The following RIOX2 variants were observed in gnomAD, a reference collection of about 807,000 sequenced individuals.
The protein encoded by RIOX2 is 60S ribosomal protein L27a histidine hydroxylase.
In RIOX2, 43 loss-of-function variants were observed where a neutral mutation model predicts 51.2. The ratio of observed to expected loss-of-function variants is 0.84; its 90% CI spans 0.66 to 1.08. RIOX2 has a LOEUF of 1.08. Among genes scored for constraint, RIOX2 ranks in the 50% least tolerant of loss-of-function variants. The pLI is 0.00. For synonymous variants in RIOX2, 226 were observed against 218.5 expected, an observed-to-expected ratio of 1.03 and a Z score of -0.30; for missense variants, 566 against 561.7, an observed-to-expected ratio of 1.01 and a Z score of -0.08.
chr3:97,956,424 AC>A (rs888441302), intron 4 of RIOX2, among the ~76,000 whole-genome samples: 1 of 152,220 alleles, frequency 6.6e-6, no homozygotes, highest in Non-Finnish European at 1.5e-5. Context: ...GTTGTTTTAA[AC>A]CATTGAGTTT....
At position 97,972,381 on chromosome 3, in the gene RIOX2, C is replaced by A. The variant is rs1291042551; in HGVS notation, c.-40G>T. The stretch of plus-strand genomic sequence containing the variant: ...ATGCCCACGAGAGCGCCCCACTCAC[C>A]CGGCACGGCCTGTTGCTCGCGGCCG... On this transcript the variant is annotated splice_region_variant and 5_prime_UTR_variant, in exon 1 of 10. Transcript: ENST00000394198. The A allele has an allele frequency of 6.6e-6, 1 of 151,662 alleles. No homozygotes were observed. The highest frequency in any genetic ancestry group is 1.5e-5 in the Non-Finnish European group (1 of 67,862). The allele number at this position is 151,662 out of a possible 1,614,324, so 9.4% of individuals were successfully genotyped here.
At chr3:97,945,553 T>C in intron 9 of RIOX2, 1 of 606,502 alleles carries the variant, frequency 1.6e-6, no homozygotes, top group African/African-American at 1.9e-5. Flanking sequence ...TAATTTGAAA[T>C]GTTTTACATT....
chr3:97,954,378 G>A lies in RIOX2; in HGVS notation c.785+14C>T. On this transcript the variant is annotated intron_variant, in intron 5 of 9. Transcript: ENST00000394198. ...GAGCTGTCCTAGCATGTGCAGCTGGGAGGCAGTGTTTACTTGTTCTGGTAG... is the reference window on the plus strand; with the variant it reads ...GAGCTGTCCTAGCATGTGCAGCTGGAAGGCAGTGTTTACTTGTTCTGGTAG... 1 of 1,583,616 alleles carries A rather than the reference G, an allele frequency of 6.3e-7. No individual in the cohort carries two copies. The highest frequency in any genetic ancestry group is 1.7e-5 in the Admixed American group (1 of 59,954).
intron 4 of RIOX2, among the ~76,000 whole-genome samples, chr3:97,956,206 T>C (rs1161372497): frequency 1.3e-5 from 2 of 152,194 alleles, no homozygotes; most frequent in African/African-American, 4.8e-5. Flanking sequence ...ATGGGACAAC[T>C]GTCACATATA....
intron 3 of RIOX2, among the ~76,000 whole-genome samples, chr3:97,959,604 C>T (rs894371074): frequency 2.0e-5 from 3 of 152,162 alleles, no homozygotes; most frequent in Admixed American, 6.5e-5. Context: ...TGAGCCACCA[C>T]GCCTGGCCTA....
In RIOX2 at chr3:97,943,533, A is replaced by G. The variant is rs935949320; in HGVS notation, c.*1651T>C. The G allele has an allele frequency of 2.0e-6, 1 of 492,350 alleles. No individual in the cohort carries two copies. Among genetic ancestry groups the G allele is most frequent in the East Asian group, 3.9e-5 (1 of 25,524 alleles). 30.5% of individuals were successfully genotyped at this position (492,350 alleles called of 1,614,324 possible). A position where few individuals can be genotyped will look rare whatever the true frequency, so the allele number is the denominator to read the frequency against. On this transcript the variant is annotated 3_prime_UTR_variant, in exon 10 of 10. Transcript: ENST00000394198. ...GTGTTCCTATAAAGAAAATATTATG[A>G]TATCTTGGAAAGGTTCTATTCCTGA...
In RIOX2 at chr3:97,943,163, A is replaced by G; in HGVS notation, c.*2021T>C. The G allele has an allele frequency of 4.5e-6, 4 of 894,502 alleles. No homozygotes were observed. The highest frequency in any genetic ancestry group is 7.2e-6 in the Non-Finnish European group (4 of 556,634). 55.4% of individuals were successfully genotyped at this position (894,502 alleles called of 1,614,324 possible). A position where few individuals can be genotyped will look rare whatever the true frequency, so the allele number is the denominator to read the frequency against. ...GTGAGCTGAACAGAAGCTTGTGAAA[A>G]TTGTGAAATTGCTAAGCACCTGCCT... is the stretch of plus-strand genomic sequence containing the variant. On this transcript the variant is annotated 3_prime_UTR_variant, in exon 10 of 10. Coordinates refer to ENST00000394198, the MANE Select transcript of RIOX2 (RefSeq NM_153182.4).
rs1705371841 is a variant in RIOX2, at chr3:97,954,248, G to C, written c.785+144C>G. On this transcript the variant is annotated intron_variant, in intron 5 of 9. Coordinates refer to ENST00000394198, the MANE Select transcript of RIOX2 (RefSeq NM_153182.4). ...CAGTCACATACATGGGACATCAAAG[G>C]AATGTGGAAGTCAGTAAAGGACATA... The C allele has an allele frequency of 2.1e-5, 13 of 624,070 alleles. No individual in the cohort carries two copies. The South Asian group carries it at 2.4e-4, about 12-fold the overall frequency. 38.7% of individuals were successfully genotyped at this position (624,070 alleles called of 1,614,324 possible). A position where few individuals can be genotyped will look rare whatever the true frequency, so the allele number is the denominator to read the frequency against.
chr3:97,950,100 C>G lies in RIOX2; in HGVS notation c.889-85G>C, dbSNP rs976355408. On this transcript the variant is annotated intron_variant, in intron 6 of 9. Coordinates refer to ENST00000394198, the MANE Select transcript of RIOX2 (RefSeq NM_153182.4). ...TCTCCACAGTAGACTGCAAAACTGCCAGCCACCGGGTATAGACATTAATCC... is the reference window on the plus strand; with the variant it reads ...TCTCCACAGTAGACTGCAAAACTGCGAGCCACCGGGTATAGACATTAATCC... 4.4e-6 allele frequency: 6 copies of G among 1,363,754 alleles called. No individual in the cohort carries two copies. The African/African-American group carries it at 8.6e-5, about 20-fold the overall frequency. 84.5% of individuals were successfully genotyped at this position (1,363,754 alleles called of 1,614,324 possible).
intron 1 of RIOX2, chr3:97,971,461 C>A (rs1185942678): frequency 6.6e-6 from 1 of 152,206 alleles, no homozygotes; most frequent in East Asian, 1.9e-4. Flanking sequence ...CCAGACTGAT[C>A]TAAAACATTT....
chr3:97,949,334 C>T (rs1013599168), intron 7 of RIOX2, among the ~76,000 whole-genome samples: 7 of 152,124 alleles, frequency 4.6e-5, no homozygotes, highest in African/African-American at 1.4e-4. Context: ...AGCTCCCTTT[C>T]CCCTTCCACT....
chr3:97,952,167 G>GA lies in RIOX2; in HGVS notation c.786-1280dup, dbSNP rs1376210173. 14 of 1,289,220 alleles carry GA rather than the reference G, an allele frequency of 1.1e-5. No individual in the cohort carries two copies. In the East Asian group the frequency reaches 2.8e-4, roughly 26 times the overall value. 79.9% of individuals were successfully genotyped at this position (1,289,220 alleles called of 1,614,324 possible). A position where few individuals can be genotyped will look rare whatever the true frequency, so the allele number is the denominator to read the frequency against. On this transcript the variant is annotated intron_variant, in intron 5 of 9. Transcript: ENST00000394198. Reference sequence around the variant, plus strand: ...AAATATTCACCTTTACATGGTACCTGAAGGAGCATTAGGCTCAAAACACAG... The same window carrying GA: ...AAATATTCACCTTTACATGGTACCTGAAAGGAGCATTAGGCTCAAAACACAG...
At chr3:97,959,317 T>TTG (rs1705581153) in intron 3 of RIOX2, 138 bp from the exon 4 acceptor site, 1 of 829,256 alleles carries the variant, frequency 1.2e-6, no homozygotes, top group African/African-American at 1.8e-5. Flanking sequence ...TTTTTTTTTT[T>TTG]TTTTTTTTTT....
Position 97,967,565 on chromosome 3 carries a change from C to A in RIOX2, c.29G>T (p.Ser10Ile), listed in dbSNP as rs1417939054. 1 of 1,606,888 alleles carries A rather than the reference C, an allele frequency of 6.2e-7. No individual in the cohort carries two copies. The highest frequency in any genetic ancestry group is 1.1e-5 in the South Asian group (1 of 90,116). The change falls in exon 2 of 10, where the codon AGT (serine) becomes ATT (isoleucine). Residue 10 changes from serine (S) to isoleucine (I), a missense_variant. Coordinates refer to ENST00000394198, the MANE Select transcript of RIOX2 (RefSeq NM_153182.4). ...GGGAGCCGGCCCCTCTTCCTTCCCA[C>A]TCCCTGTAGGCTTTGCTTTCTTTGG... MPKKAKPTGSGKEEGPAPCK... is the reference protein window; with the variant it reads MPKKAKPTGIGKEEGPAPCK...
intron 2 of RIOX2, 57 bp downstream of exon 2, chr3:97,967,105 G>A (rs1400713661): frequency 1.3e-6 from 2 of 1,552,112 alleles, no homozygotes; most frequent in Non-Finnish European, 1.8e-6. Context: ...GCTGATATGT[G>A]GCCAAATGTT....
At chr3:97,946,416 G>A (rs878929619) in intron 8 of RIOX2, among the ~76,000 whole-genome samples, 2 of 151,578 alleles carry the variant, frequency 1.3e-5, no homozygotes, top group Non-Finnish European at 1.5e-5. Context: ...CACTCCCCAT[G>A]TTACACAGTG....
intron 3 of RIOX2, among the ~76,000 whole-genome samples, chr3:97,961,024 T>C (rs1705654371): frequency 6.6e-6 from 1 of 152,188 alleles, no homozygotes; most frequent in African/African-American, 2.4e-5. Context: ...ACACCTTATA[T>C]TAGGACAAAA....
At chr3:97,948,103 G>T (rs545873163) in intron 7 of RIOX2, among the ~76,000 whole-genome samples, 3 of 152,152 alleles carry the variant, frequency 2.0e-5, no homozygotes, top group Admixed American at 6.6e-5. Context: ...AAACACTGAA[G>T]TAGTCTGGGC....
intron 8 of RIOX2, among the ~76,000 whole-genome samples, chr3:97,946,604 A>ATATATATCTATC (rs1553712244): frequency 6.1e-4 from 85 of 139,724 alleles, no homozygotes; most frequent in Non-Finnish European, 1.1e-3. Flanking sequence ...ATATATATAT[A>ATATATATCTATC]TATCTATTCA....
Sources: gnomAD v4.1 joint callset for allele counts (sites outside exome capture counted in the v4.1 genomes callset) on GRCh38, gnomAD v4.1.1 for gene constraint, MANE v1.5 for transcripts, NCBI Gene and HGNC (gene_info 2026-07-23, HGNC 2026-07-21) for gene names.